CDH23: variants seen among roughly 807,000 people sequenced by gnomAD.
CDH23 encodes cadherin-23.
Under a neutral mutation model 317.1 loss-of-function variants are expected in CDH23, and 189 were observed. That is an observed-to-expected ratio of 0.60 (90% CI 0.53 to 0.67). The LOEUF is 0.67. Among genes scored for constraint, CDH23 ranks in the 30% least tolerant of loss-of-function variants. CDH23 has a pLI of 0.00. For synonymous variants in CDH23, 1,839 were observed against 1,876.8 expected (o/e 0.98, Z 0.52); for missense variants, 4,401 against 4,592.4 (o/e 0.96, Z 1.20).
intron 14 of CDH23, among the ~76,000 whole-genome samples, chr10:71,673,944 C>A (rs1017792193): frequency 1.1e-4 from 16 of 152,132 alleles, no homozygotes; most frequent in African/African-American, 3.6e-4. Flanking sequence ...GCATGCACCC[C>A]CTGAGAACCT....
chr10:71,571,062 T>A, intron 8 of CDH23, 144 bp downstream of exon 8: 1 of 864,978 alleles, frequency 1.2e-6, no homozygotes, highest in Non-Finnish European at 1.8e-6. Context: ...ATGAGTGTTC[T>A]GGCACAGCGA....
At chr10:71,599,637 C>G (rs1860088337) in intron 9 of CDH23, among the ~76,000 whole-genome samples, 1 of 152,106 alleles carries the variant, frequency 6.6e-6, no homozygotes. Flanking sequence ...ATTTGTGTTT[C>G]TTTGAAATTT....
intron 27 of CDH23, among the ~76,000 whole-genome samples, chr10:71,710,031 G>A (rs1865917878): frequency 6.6e-6 from 1 of 152,140 alleles, no homozygotes; most frequent in Non-Finnish European, 1.5e-5. Flanking sequence ...GAACAGTGTA[G>A]GAGAAAATGC....
chr10:71,709,242 G>C, intron 27 of CDH23, 31 bp downstream of exon 27: 1 of 1,587,848 alleles, frequency 6.3e-7, no homozygotes, highest in Non-Finnish European at 8.6e-7. Context: ...CACCAACACA[G>C]TGATCTGGGC....
chr10:71,677,685 C>A lies in CDH23; in HGVS notation c.1744C>A (p.Arg582=), dbSNP rs780571524. ...ENEPSVTQLV[R]LRATDEDSPP... is the part of the protein sequence containing the mutation. ...CGAGCCTTCTGTCACACAGCTGGTG[C>A]GGCTCCGGGTAAGGTGCCAGGGAGC... The change falls in exon 16 of 70, where the codon CGG becomes AGG. Residue 582 remains arginine (R), a synonymous_variant. Transcript: ENST00000224721. The A allele has an allele frequency of 1.9e-6, 3 of 1,558,964 alleles. No homozygotes were observed. The highest frequency in any genetic ancestry group is 2.6e-6 in the Non-Finnish European group (3 of 1,151,404).
At chr10:71,618,599 C>T (rs929300354) in intron 11 of CDH23, among the ~76,000 whole-genome samples, 3 of 152,200 alleles carry the variant, frequency 2.0e-5, no homozygotes, top group South Asian at 2.1e-4. Flanking sequence ...TTACTCCTTG[C>T]GTGGGGCTGC....
At chr10:71,537,678 A>C (rs1391741214) in intron 6 of CDH23, among the ~76,000 whole-genome samples, 44 of 151,980 alleles carry the variant, frequency 2.9e-4, no homozygotes, top group Non-Finnish European at 2.9e-5. Flanking sequence ...TCCCAAAAAA[A>C]CCCCAGCTGA....
intron 27 of CDH23, 153 bp from the exon 28 acceptor site, chr10:71,712,512 A>G: frequency 2.8e-6 from 2 of 702,190 alleles, no homozygotes; most frequent in Non-Finnish European, 4.8e-6. Context: ...TGTTATTCCT[A>G]AGCTAAAAAG....
chr10:71,445,871 C>T (rs893328311), intron 2 of CDH23, among the ~76,000 whole-genome samples: 21 of 131,116 alleles, frequency 1.6e-4, no homozygotes, highest in African/African-American at 4.8e-4. Flanking sequence ...AAAAAAAAAT[C>T]GGCAAATTAA....
At chr10:71,677,746 G>A in intron 16 of CDH23, 53 bp downstream of exon 16, 1 of 1,403,162 alleles carries the variant, frequency 7.1e-7, no homozygotes, top group Non-Finnish European at 9.9e-7. Context: ...CCTTCTCCCT[G>A]TACTTGCTTG....
At chr10:71,642,213 T>C (rs1862584369) in intron 11 of CDH23, among the ~76,000 whole-genome samples, 1 of 152,060 alleles carries the variant, frequency 6.6e-6, no homozygotes. Flanking sequence ...AGCGCTCAGA[T>C]GGTACATCTC....
At chr10:71,731,642 C>T (rs1289987704) in intron 31 of CDH23, among the ~76,000 whole-genome samples, 1 of 152,196 alleles carries the variant, frequency 6.6e-6, no homozygotes, top group Non-Finnish European at 1.5e-5. Flanking sequence ...GCCTCCACTA[C>T]AAGAGATCCT....
chr10:71,716,035 G>T (rs1467567314), intron 28 of CDH23: 1 of 1,508,064 alleles, frequency 6.6e-7, no homozygotes, highest in Non-Finnish European at 8.9e-7. Context: ...GGCGGAAGCT[G>T]TGCAGGGAGA....
chr10:71,687,188 A>T (rs1428621451), intron 18 of CDH23, among the ~76,000 whole-genome samples: 1 of 152,348 alleles, frequency 6.6e-6, no homozygotes, highest in African/African-American at 2.4e-5. Context: ...CTGAGCTGCC[A>T]TAGCATACTT....
rs566937038 is a variant in CDH23 at position 71,608,975 on chromosome 10, G to T, written c.833-6529G>T. ...AAGCAATTGAAAGTCATCAGCCTGT[G>T]TTCCCGCACGCACCATCGGCCACTC... On this transcript the variant is annotated intron_variant, in intron 9 of 69. Transcript: ENST00000224721. Among the ~76,000 whole-genome samples the T allele has an allele frequency of 1.0e-3, 155 of 152,326 alleles. 1 individual carries two copies. Among genetic ancestry groups the T allele is most frequent in the African/African-American group, 3.7e-3 (153 of 41,572 alleles).
chr10:71,734,684 C>T lies in CDH23; in HGVS notation c.4209+26C>T, dbSNP rs184949725. 76 of 1,382,820 alleles carry T rather than the reference C, an allele frequency of 5.5e-5. 1 individual carries two copies. The East Asian group carries it at 1.7e-3, about 32-fold the overall frequency. The allele number at this position is 1,382,820 out of a possible 1,614,324, so 85.7% of individuals were successfully genotyped here. A position where few individuals can be genotyped will look rare whatever the true frequency, so the allele number is the denominator to read the frequency against. ...GTGAGTAGCCTGTGGCTGGAGCTTC[C>T]CCTGTGCTGTTGGCTGTGGCCAGTG... is the stretch of plus-strand genomic sequence containing the variant. On this transcript the variant is annotated intron_variant, in intron 34 of 69. Transcript: ENST00000224721.
chr10:71,659,569 A>G (rs901521569), intron 14 of CDH23, among the ~76,000 whole-genome samples: 2 of 152,216 alleles, frequency 1.3e-5, no homozygotes, highest in Non-Finnish European at 2.9e-5. Context: ...GCCTGTCATA[A>G]AAACGACATT....
chr10:71,421,862 G>A (rs917735812), intron 1 of CDH23, among the ~76,000 whole-genome samples: 1 of 151,980 alleles, frequency 6.6e-6, no homozygotes. Context: ...CTGAATGGGG[G>A]CAAATGTGGA....
intron 11 of CDH23, among the ~76,000 whole-genome samples, chr10:71,637,354 A>T (rs1383543086): frequency 6.6e-6 from 1 of 151,892 alleles, no homozygotes; most frequent in Non-Finnish European, 1.5e-5. Context: ...CTTCCCAGGG[A>T]TGCCTCCTCT....
Sources: gnomAD v4.1 joint callset for allele counts (sites outside exome capture counted in the v4.1 genomes callset) on GRCh38, gnomAD v4.1.1 for gene constraint, MANE v1.5 for transcripts, NCBI Gene and HGNC (gene_info 2026-07-23, HGNC 2026-07-21) for gene names.